The following USH2A variants were observed in gnomAD, a reference collection of about 807,000 sequenced individuals.
USH2A encodes the protein usherin, also known as Usher syndrome 2A (autosomal recessive, mild).
Under a neutral mutation model 538.9 loss-of-function variants are expected in USH2A, and 443 were observed. The observed-to-expected ratio is 0.82, with a 90% CI of 0.76 to 0.89. The LOEUF is 0.89. Among genes scored for constraint, USH2A ranks in the 40% least tolerant of loss-of-function variants. The pLI, the probability that USH2A is intolerant of heterozygous loss-of-function variation, is 0.00. For missense variants in USH2A, 6,633 were observed against 6,324.8 expected (o/e 1.05, Z -1.65); for synonymous variants, 2,413 against 2,273.5 (o/e 1.06, Z -1.75).
intron 22 of USH2A, among the ~76,000 whole-genome samples, chr1:216,091,673 T>C (rs1406580583): frequency 6.6e-6 from 1 of 152,204 alleles, no homozygotes; most frequent in East Asian, 1.9e-4. Flanking sequence ...TAAATTGTTT[T>C]GTAAGGAATT....
chr1:215,953,143 G>C, intron 37 of USH2A, among the ~76,000 whole-genome samples: 1 of 152,034 alleles, frequency 6.6e-6, no homozygotes, highest in African/African-American at 2.4e-5. Flanking sequence ...TACTGCCCAA[G>C]GTAATTTATA....
chr1:215,924,465 C>T (rs1571817416), intron 38 of USH2A, among the ~76,000 whole-genome samples: 1 of 152,020 alleles, frequency 6.6e-6, no homozygotes, highest in African/African-American at 2.4e-5. Flanking sequence ...TTATGCAAGT[C>T]AGGCATACAG....
intron 50 of USH2A, 149 bp downstream of exon 50, chr1:215,798,758 A>C: frequency 1.1e-6 from 1 of 913,036 alleles, no homozygotes; most frequent in African/African-American, 1.7e-5. Context: ...TTACATTGTT[A>C]TGTGTTAAAC....
intron 37 of USH2A, among the ~76,000 whole-genome samples, chr1:215,940,182 A>C (rs945610658): frequency 3.9e-5 from 6 of 152,098 alleles, no homozygotes; most frequent in Non-Finnish European, 7.4e-5. Context: ...CTTAAGGTAG[A>C]AAAGGTATTA....
intron 3 of USH2A, among the ~76,000 whole-genome samples, chr1:216,369,118 T>C (rs1255544567): frequency 6.6e-6 from 1 of 152,140 alleles, no homozygotes; most frequent in Non-Finnish European, 1.5e-5. Context: ...AGGAGAAAAG[T>C]CTTGGACTTT....
intron 21 of USH2A, among the ~76,000 whole-genome samples, chr1:216,166,739 G>C (rs2034176362): frequency 6.6e-6 from 1 of 152,152 alleles, no homozygotes; most frequent in Admixed American, 6.6e-5. Context: ...CACACGGAAG[G>C]AGGAACAGGT....
chr1:216,066,721 A>T (rs2102542984), intron 30 of USH2A, among the ~76,000 whole-genome samples: 1 of 152,260 alleles, frequency 6.6e-6, no homozygotes, highest in South Asian at 2.1e-4. Context: ...AGGTTTATTG[A>T]TTTGTCCAAG....
At chr1:216,343,525 TAAA>T (rs11370265) in intron 4 of USH2A, among the ~76,000 whole-genome samples, 4 of 135,350 alleles carry the variant, frequency 3.0e-5, no homozygotes, top group African/African-American at 8.1e-5. Flanking sequence ...TACTACATCT[TAAA>T]AAAAAAAAAA....
At chr1:216,207,945 T>C (rs2035153245) in intron 15 of USH2A, among the ~76,000 whole-genome samples, 1 of 150,422 alleles carries the variant, frequency 6.6e-6, no homozygotes, top group South Asian at 2.1e-4. Flanking sequence ...CTATGGATGT[T>C]AAATAATCTA....
chr1:215,956,168 A>G (rs1328367260), intron 37 of USH2A, among the ~76,000 whole-genome samples: 1 of 152,160 alleles, frequency 6.6e-6, no homozygotes, highest in Admixed American at 6.5e-5. Context: ...ACTGATTCTA[A>G]TATTACTATT....
intron 32 of USH2A, among the ~76,000 whole-genome samples, chr1:216,001,842 A>T (rs931308407): frequency 3.3e-5 from 5 of 152,168 alleles, no homozygotes; most frequent in Non-Finnish European, 7.3e-5. Context: ...AAGAGAGATT[A>T]AAAAAATAAT....
At chr1:215,674,001 A>T in intron 63 of USH2A, 99 bp downstream of exon 63, 1 of 1,603,586 alleles carries the variant, frequency 6.2e-7, no homozygotes, top group Non-Finnish European at 8.5e-7. Flanking sequence ...GACACCTTGC[A>T]TCCCATTTTT....
chr1:216,370,890 A>G (rs1198951971), intron 3 of USH2A, among the ~76,000 whole-genome samples: 5 of 152,088 alleles, frequency 3.3e-5, no homozygotes, highest in Admixed American at 6.6e-5. Context: ...CTCCCACAAT[A>G]GGAAAGGTGA....
intron 37 of USH2A, among the ~76,000 whole-genome samples, chr1:215,958,289 T>A (rs1220377723): frequency 6.6e-6 from 1 of 152,114 alleles, no homozygotes; most frequent in Non-Finnish European, 1.5e-5. Context: ...TTTTTAGAGA[T>A]TTAGAGCATT....
intron 38 of USH2A, among the ~76,000 whole-genome samples, chr1:215,919,968 C>G (rs1300917159): frequency 6.6e-6 from 1 of 152,014 alleles, no homozygotes; most frequent in African/African-American, 2.4e-5. Context: ...TTGTCTCTCT[C>G]TCTCTCTTAA....
In USH2A at chr1:215,878,745, C is replaced by T. The variant is rs781716162; in HGVS notation, c.8558+19G>A. The T allele has an allele frequency of 1.2e-6, 2 of 1,611,894 alleles. No individual in the cohort carries two copies. Among genetic ancestry groups the T allele is most frequent in the East Asian group, 2.2e-5 (1 of 44,816 alleles). On this transcript the variant is annotated intron_variant, in intron 42 of 71. Transcript: ENST00000307340. Reference sequence around the variant, plus strand: ...ATAAGGACTACAGCAACATAAAAATCATAGTCACCTTCTCTTACCTCAAAT... The same window carrying T: ...ATAAGGACTACAGCAACATAAAAATTATAGTCACCTTCTCTTACCTCAAAT...
At chr1:216,082,398 C>T (rs946538862) in intron 26 of USH2A, among the ~76,000 whole-genome samples, 2 of 147,176 alleles carry the variant, frequency 1.4e-5, no homozygotes, top group African/African-American at 5.0e-5. Context: ...TTAATAAATA[C>T]TATGAAGGGA....
chr1:215,927,677 C>T (rs1477612804), intron 38 of USH2A, among the ~76,000 whole-genome samples: 1 of 152,008 alleles, frequency 6.6e-6, no homozygotes, highest in Non-Finnish European at 1.5e-5. Context: ...CTGCTCACTA[C>T]CTGGGCAATA....
At chr1:215,683,238 CACACACACACACA>C (rs1267881270) in intron 61 of USH2A, among the ~76,000 whole-genome samples, 2 of 50,422 alleles carry the variant, frequency 4.0e-5, no homozygotes, top group African/African-American at 1.1e-4. Flanking sequence ...CACACACACA[CACACACACACACA>C]CACGCACACA....
Sources: allele counts gnomAD v4.1 joint callset (sites outside exome capture counted in the v4.1 genomes callset), GRCh38; gene constraint gnomAD v4.1.1; transcripts MANE v1.5; gene names NCBI Gene and HGNC (gene_info 2026-07-23, HGNC 2026-07-21).